The following MYO6 variants were observed in gnomAD, a reference collection of about 807,000 sequenced individuals.
MYO6 encodes unconventional myosin-VI.
A neutral mutation model predicts 178.7 loss-of-function variants in MYO6; 74 were observed. That is an observed-to-expected ratio of 0.41 (90% CI 0.34 to 0.50). The LOEUF (loss-of-function observed/expected upper bound fraction) is 0.50. MYO6 is among the 20% of genes least tolerant of loss of function. The pLI, the probability that MYO6 is intolerant of heterozygous loss-of-function variation, is 0.09. For missense variants in MYO6, 1,330 were observed against 1,547.4 expected, an observed-to-expected ratio of 0.86 and a Z score of 2.36; for synonymous variants, 477 against 504.6, an observed-to-expected ratio of 0.95 and a Z score of 0.73.
chr6:75,777,028 G>A (rs2150038998), intron 1 of MYO6, among the ~76,000 whole-genome samples: 1 of 152,174 alleles, frequency 6.6e-6, no homozygotes, highest in Non-Finnish European at 1.5e-5. Context: ...GATGGTTTGT[G>A]GTTTTTCCTC....
In MYO6 at chr6:75,822,837, A is replaced by G. The variant is rs1562208908; in HGVS notation, c.173A>G (p.Asp58Gly). The change falls in exon 3 of 35, where the codon GAT becomes GGT. Residue 58 changes from aspartate (D) to glycine (G), a missense_variant. Around this residue, in one of 3 missense-constraint regions of MYO6, gnomAD observed 116 missense variants for 104.6 expected, o/e 1.11. Transcript: ENST00000369977. ...CCTGCAGAAGAGGACAGTAAAAAAG[A>G]TGTGGAAGATAACTGTAAGTACCAA... ...VFPAEEDSKK[D>G]VEDNCSLMYL... 1 of 1,613,104 alleles carries G rather than the reference A, an allele frequency of 6.2e-7. No homozygotes were observed. Among genetic ancestry groups the G allele is most frequent in the Non-Finnish European group, 8.5e-7 (1 of 1,179,304 alleles).
At chr6:75,805,002 C>CACACATATATATAT (rs1554199386) in intron 1 of MYO6, among the ~76,000 whole-genome samples, 1 of 63,980 alleles carries the variant, frequency 1.6e-5, no homozygotes, top group African/African-American at 7.6e-5. Flanking sequence ...TACACACACA[C>CACACATATATATAT]ATATATATAT....
intron 1 of MYO6, among the ~76,000 whole-genome samples, chr6:75,805,099 A>G (rs1010803585): frequency 7.2e-6 from 1 of 138,610 alleles, no homozygotes; most frequent in African/African-American, 2.8e-5. Context: ...ATCTTAGCTC[A>G]CTGCAACCTC....
At chr6:75,889,960 T>A in intron 25 of MYO6, 97 bp from the exon 26 acceptor site, 42 of 864,326 alleles carry the variant, frequency 4.9e-5, no homozygotes, top group Non-Finnish European at 6.3e-5. Flanking sequence ...ATCTTAGCCA[T>A]TTTTCAGTTT....
intron 1 of MYO6, among the ~76,000 whole-genome samples, chr6:75,757,065 CA>C (rs1237711828): frequency 3.6e-5 from 5 of 139,958 alleles, no homozygotes; most frequent in South Asian, 4.5e-4. Context: ...TGTATACACA[CA>C]TATATAGTGT....
At chr6:75,890,342 A>G (rs1045637493) in intron 26 of MYO6, 77 bp downstream of exon 26, 55 of 1,589,396 alleles carry the variant, frequency 3.5e-5, no homozygotes, top group Non-Finnish European at 4.5e-5. Context: ...GTTAATGACA[A>G]TTATTTGTTT....
rs1781054211 is a variant in MYO6 at position 75,915,135 on chromosome 6, T to G, written c.*123T>G. On this transcript the variant is annotated 3_prime_UTR_variant, in exon 35 of 35. Coordinates refer to ENST00000369977, the MANE Select transcript of MYO6 (RefSeq NM_004999.4). ...ACTTCTATAAAGTGAACAGATTTTA[T>G]TAATCACGGCTTTTGGTGAATTTGT... is the stretch of plus-strand genomic sequence containing the variant. 1 of 996,906 alleles carries G rather than the reference T, an allele frequency of 1.0e-6. No individual in the cohort carries two copies. Among genetic ancestry groups the G allele is most frequent in the Admixed American group, 2.1e-5 (1 of 47,560 alleles). The allele number at this position is 996,906 out of a possible 1,614,324, so 61.8% of individuals were successfully genotyped here.
intron 1 of MYO6, among the ~76,000 whole-genome samples, chr6:75,785,436 G>GT: frequency 6.8e-6 from 1 of 147,624 alleles, no homozygotes; most frequent in Non-Finnish European, 1.5e-5. Context: ...TTGGATCCTA[G>GT]TTTTTTGTTT....
At chr6:75,901,704 A>C (rs1467455052) in intron 30 of MYO6, among the ~76,000 whole-genome samples, 1 of 152,150 alleles carries the variant, frequency 6.6e-6, no homozygotes, top group African/African-American at 2.4e-5. Flanking sequence ...TTCCTAATTG[A>C]ATACCCTTTA....
chr6:75,759,463 G>A (rs367618620), intron 1 of MYO6, among the ~76,000 whole-genome samples: 5 of 152,288 alleles, frequency 3.3e-5, no homozygotes, highest in African/African-American at 1.2e-4. Flanking sequence ...AGAGGGAGCT[G>A]CGGTTTTGAA....
In MYO6 at chr6:75,837,431, A is replaced by G. The variant is rs942506537; in HGVS notation, c.553+1475A>G. Among the ~76,000 whole-genome samples the G allele has an allele frequency of 2.0e-5, 3 of 152,208 alleles. No individual in the cohort carries two copies. In the East Asian group the frequency reaches 5.8e-4, roughly 29 times the overall value. Reference sequence around the variant, plus strand: ...TTTAAATTAGAGACAGCATCTCACTATGTTGCCCAGGCTGGTCTCAACCTC... The same window carrying G: ...TTTAAATTAGAGACAGCATCTCACTGTGTTGCCCAGGCTGGTCTCAACCTC... On this transcript the variant is annotated intron_variant, in intron 7 of 34. Transcript: ENST00000369977.
chr6:75,862,583 T>C lies in MYO6; in HGVS notation c.1547-13T>C, dbSNP rs767139081. Reference sequence around the variant, plus strand: ...TTTTACACTATTGTGAGTGTTTTCATTTTTTGAAATAGATTTAATTGAAGC... The same window carrying C: ...TTTTACACTATTGTGAGTGTTTTCACTTTTTGAAATAGATTTAATTGAAGC... On this transcript the variant is annotated splice_polypyrimidine_tract_variant and intron_variant, in intron 15 of 34. Coordinates refer to ENST00000369977, the MANE Select transcript of MYO6 (RefSeq NM_004999.4). The C allele has an allele frequency of 1.2e-6, 2 of 1,608,268 alleles. No homozygotes were observed. The highest frequency in any genetic ancestry group is 1.1e-5 in the South Asian group (1 of 90,932).
intron 7 of MYO6, among the ~76,000 whole-genome samples, chr6:75,838,731 G>A (rs934954494): frequency 6.0e-5 from 9 of 148,986 alleles, no homozygotes; most frequent in East Asian, 5.9e-4. Flanking sequence ...GCAAGATCTC[G>A]GCTCACCTCA....
chr6:75,810,939 C>T (rs947641546), intron 1 of MYO6, among the ~76,000 whole-genome samples: 7 of 152,034 alleles, frequency 4.6e-5, no homozygotes, highest in South Asian at 2.1e-4. Context: ...CCCAGGAGTT[C>T]GAGGCTGCAG....
At chr6:75,837,270 A>G (rs191556216) in intron 7 of MYO6, among the ~76,000 whole-genome samples, 7 of 152,328 alleles carry the variant, frequency 4.6e-5, no homozygotes, top group Non-Finnish European at 1.0e-4. Flanking sequence ...TTTTATCCCT[A>G]CTTTAAAGAT....
At chr6:75,870,737 A>G (rs1777078111) in intron 19 of MYO6, 52 bp downstream of exon 19, 1 of 1,413,774 alleles carries the variant, frequency 7.1e-7, no homozygotes, top group Non-Finnish European at 1.0e-6. Flanking sequence ...TAAAACTATT[A>G]TTAGTAATTA....
At chr6:75,841,092 T>G (rs1774174637) in intron 8 of MYO6, 122 bp from the exon 9 acceptor site, 1 of 959,886 alleles carries the variant, frequency 1.0e-6, no homozygotes, top group Non-Finnish European at 1.6e-6. Context: ...CTTTATTTGG[T>G]GAATATTATA....
chr6:75,756,999 TATATAGTGTGTATATATGTATAC>T (rs1474261713), intron 1 of MYO6, among the ~76,000 whole-genome samples: 3 of 136,918 alleles, frequency 2.2e-5, no homozygotes, highest in Non-Finnish European at 3.2e-5. Context: ...TATACACACA[TATATAGTGTGTATATATGTATAC>T]ACACATATAT....
chr6:75,818,200 C>A (rs762601715), intron 2 of MYO6, among the ~76,000 whole-genome samples: 4 of 152,010 alleles, frequency 2.6e-5, no homozygotes, highest in Non-Finnish European at 5.9e-5. Context: ...GTATTTATTT[C>A]TTTGCATGCT....
Sources: gnomAD v4.1 joint callset for allele counts (sites outside exome capture counted in the v4.1 genomes callset) on GRCh38, gnomAD v4.1.1 for gene constraint, gnomAD v4.1.1 regional missense constraint, MANE v1.5 for transcripts, NCBI Gene and HGNC (gene_info 2026-07-23, HGNC 2026-07-21) for gene names.